The following ZNF316 variants were observed in gnomAD, a reference collection of about 807,000 sequenced individuals.
The protein encoded by ZNF316 is zinc finger protein 316.
Under a neutral mutation model 75.6 loss-of-function variants are expected in ZNF316, and 23 were observed. The observed-to-expected ratio is 0.30, with a 90% CI of 0.22 to 0.43. ZNF316 has a LOEUF of 0.43. Ranked by LOEUF, ZNF316 falls within the 20% of genes least tolerant of loss-of-function variation. ZNF316 has a pLI of 1.00. For synonymous variants in ZNF316, 827 were observed against 666.2 expected, an observed-to-expected ratio of 1.24 and a Z score of -3.72; for missense variants, 1,266 against 1,409.4, an observed-to-expected ratio of 0.90 and a Z score of 1.63.
At position 6,654,449 on chromosome 7, in the gene ZNF316, C is replaced by G. The variant is rs1779579182; in HGVS notation, c.2853C>G (p.Ala951=). Residue 951 remains alanine, a synonymous_variant, in exon 9 of 9, where the codon GCC becomes GCG. Coordinates refer to ENST00000382252, the MANE Select transcript of ZNF316 (RefSeq NM_001278559.2). ...TAAPGSGSAP[A]PAPKPEAAAK... Reference sequence around the variant, plus strand: ...CGCCGGGCTCGGGTTCGGCCCCAGCCCCCGCGCCCAAGCCCGAGGCGGCCG... The same window carrying G: ...CGCCGGGCTCGGGTTCGGCCCCAGCGCCCGCGCCCAAGCCCGAGGCGGCCG... 1 of 1,201,634 alleles carries G rather than the reference C, an allele frequency of 8.3e-7. No homozygotes were observed. The highest frequency in any genetic ancestry group is 1.6e-5 in the African/African-American group (1 of 62,976). 74.4% of individuals were successfully genotyped at this position (1,201,634 alleles called of 1,614,324 possible). A position where few individuals can be genotyped will look rare whatever the true frequency, so the allele number is the denominator to read the frequency against.
At chr7:6,649,724 C>T (rs1392016338) in intron 8 of ZNF316, among the ~76,000 whole-genome samples, 2 of 152,186 alleles carry the variant, frequency 1.3e-5, no homozygotes, top group South Asian at 2.1e-4. Context: ...CTCCTGCACT[C>T]GGTGTCAATG....
At chr7:6,645,633 G>A (rs559948637) in intron 8 of ZNF316, among the ~76,000 whole-genome samples, 4 of 148,250 alleles carry the variant, frequency 2.7e-5, no homozygotes, top group South Asian at 2.2e-4. Flanking sequence ...GTAGTGAGCC[G>A]AGGTTGTACC....
Position 6,639,311 on chromosome 7 carries a change from G to A in ZNF316, c.-167+170G>A, listed in dbSNP as rs1779273409. Among the ~76,000 whole-genome samples the A allele has an allele frequency of 6.6e-6, 1 of 152,220 alleles. No individual in the cohort carries two copies. The highest frequency in any genetic ancestry group is 1.5e-5 in the Non-Finnish European group (1 of 68,048). The stretch of plus-strand genomic sequence containing the variant: ...GTAAGTATTTGAATGCTTCTTAAGT[G>A]CTGGTGTGAGGGGTATTCAGACATG... On this transcript the variant is annotated intron_variant, in intron 3 of 8. Transcript: ENST00000382252. The surrounding 1 kb of genome is among the most constrained non-coding windows in gnomAD (Gnocchi z 4.2).
rs1214132196 is a variant in ZNF316, at chr7:6,655,210, G to C, written c.*599G>C. 1 of 152,270 alleles carries C rather than the reference G, an allele frequency of 6.6e-6. No individual in the cohort carries two copies. Among genetic ancestry groups the C allele is most frequent in the East Asian group, 1.9e-4 (1 of 5,194 alleles). 9.4% of individuals were successfully genotyped at this position (152,270 alleles called of 1,614,324 possible). A position where few individuals can be genotyped will look rare whatever the true frequency, so the allele number is the denominator to read the frequency against. ...TGGGAAAACTTGAAACTTGTCGTCT[G>C]CGGATATTTATTTCCACTTCTTGTA... On this transcript the variant is annotated 3_prime_UTR_variant, in exon 9 of 9. Coordinates refer to ENST00000382252, the MANE Select transcript of ZNF316 (RefSeq NM_001278559.2).
At position 6,653,494 on chromosome 7, in the gene ZNF316, C is replaced by T. The variant is rs1406877711; in HGVS notation, c.1898C>T (p.Pro633Leu). The change falls in exon 9 of 9, where the codon CCG (proline) becomes CTG (leucine). Residue 633 changes from proline (P) to leucine (L), a missense_variant. By Grantham distance (98) the Pro-to-Leu change is moderately conservative. Coordinates refer to ENST00000382252, the MANE Select transcript of ZNF316 (RefSeq NM_001278559.2). ...CTGCCGGTCGACGGGCGCCCGCTCCCGGCGCCCCTGGGGGGCCCGCTCTCC... is the reference window on the plus strand; with the variant it reads ...CTGCCGGTCGACGGGCGCCCGCTCCTGGCGCCCCTGGGGGGCCCGCTCTCC... ...ERLPVDGRPL[P>L]APLGGPLSLV... 6.5e-6 allele frequency: 8 copies of T among 1,222,006 alleles called. No homozygotes were observed. Among genetic ancestry groups the T allele is most frequent in the Middle Eastern group, 3.1e-4 (1 of 3,190 alleles). The allele number at this position is 1,222,006 out of a possible 1,614,324, so 75.7% of individuals were successfully genotyped here. A position where few individuals can be genotyped will look rare whatever the true frequency, so the allele number is the denominator to read the frequency against.
In ZNF316 at chr7:6,640,187, G is replaced by A. The variant is rs961435981; in HGVS notation, c.-167+1046G>A. 2.6e-5 allele frequency among the ~76,000 whole-genome samples: 4 copies of A among 152,200 alleles called. No individual in the cohort carries two copies. The highest frequency in any genetic ancestry group is 4.4e-5 in the Non-Finnish European group (3 of 68,042). On this transcript the variant is annotated intron_variant, in intron 3 of 8. Coordinates refer to ENST00000382252, the MANE Select transcript of ZNF316 (RefSeq NM_001278559.2). This position sits in a 1 kb window ranked among gnomAD's most constrained non-coding sequence, Gnocchi z 5.1. Reference sequence around the variant, plus strand: ...AACTGCTCAAAGCAGTTCAGGAAATGAGTACGCGCGGCTGCTATGGTTTGG... The same window carrying A: ...AACTGCTCAAAGCAGTTCAGGAAATAAGTACGCGCGGCTGCTATGGTTTGG...
Position 6,653,435 on chromosome 7 carries a change from C to T in ZNF316, c.1839C>T (p.Phe613=), listed in dbSNP as rs923457686. The T allele has an allele frequency of 6.5e-6, 8 of 1,228,094 alleles. No homozygotes were observed. The highest frequency in any genetic ancestry group is 4.7e-5 in the African/African-American group (3 of 64,168). The allele number at this position is 1,228,094 out of a possible 1,614,324, so 76.1% of individuals were successfully genotyped here. A position where few individuals can be genotyped will look rare whatever the true frequency, so the allele number is the denominator to read the frequency against. ...HPKSWLHPDS[F]PILGLPDFRE... ...AGTCCTGGCTGCACCCGGACAGCTTCCCGATCCTGGGCCTACCCGACTTCC... is the reference window on the plus strand; with the variant it reads ...AGTCCTGGCTGCACCCGGACAGCTTTCCGATCCTGGGCCTACCCGACTTCC... Residue 613 remains phenylalanine, a synonymous_variant, in exon 9 of 9, where the codon TTC becomes TTT. Coordinates refer to ENST00000382252, the MANE Select transcript of ZNF316 (RefSeq NM_001278559.2).
At chr7:6,641,022 G>A (rs1779303476) in intron 3 of ZNF316, among the ~76,000 whole-genome samples, 2 of 152,208 alleles carry the variant, frequency 1.3e-5, no homozygotes, top group Admixed American at 1.3e-4. Flanking sequence ...CAGAAATGCA[G>A]AAATGGCCTA....
chr7:6,649,316 G>A (rs569934357), intron 8 of ZNF316, among the ~76,000 whole-genome samples: 31 of 152,134 alleles, frequency 2.0e-4, no homozygotes, highest in Non-Finnish European at 4.0e-4. Flanking sequence ...GCTGTCCCCT[G>A]GGTTCTGGAG....
chr7:6,637,472 G>T lies in ZNF316; in HGVS notation c.-431+25G>T. 1 of 146,312 alleles carries T rather than the reference G, an allele frequency of 6.8e-6. No individual in the cohort carries two copies. Among genetic ancestry groups the T allele is most frequent in the South Asian group, 1.9e-4 (1 of 5,342 alleles). The allele number at this position is 146,312 out of a possible 1,614,324, so 9.1% of individuals were successfully genotyped here. The stretch of plus-strand genomic sequence containing the variant: ...GGTGAGTGGGTCTCGCGGGGCCGGT[G>T]GGCGGCGGCGCGGGCGGCAGGTGCG... On this transcript the variant is annotated intron_variant, in intron 1 of 8. Coordinates refer to ENST00000382252, the MANE Select transcript of ZNF316 (RefSeq NM_001278559.2). The surrounding 1 kb of genome is among the most constrained non-coding windows in gnomAD (Gnocchi z 6.2).
rs559450934 is a variant in ZNF316, at chr7:6,650,878, G to A, written c.707-1425G>A. ...CTTAGTGCCTGCTCCATAGACACCAGTTCCCTCCTGGGTGCGTCACGATGT... is the reference window on the plus strand; with the variant it reads ...CTTAGTGCCTGCTCCATAGACACCAATTCCCTCCTGGGTGCGTCACGATGT... On this transcript the variant is annotated intron_variant, in intron 8 of 8. Transcript: ENST00000382252. Among the ~76,000 whole-genome samples the A allele has an allele frequency of 3.9e-5, 6 of 152,302 alleles. No individual in the cohort carries two copies. The Middle Eastern group carries it at 0.01, about 259-fold the overall frequency.
In ZNF316 at chr7:6,656,937, CTCCTG is replaced by C. The variant is rs1779639312; in HGVS notation, c.*2331_*2335del. Among the ~76,000 whole-genome samples, 1 of 152,274 alleles carries C rather than the reference CTCCTG, an allele frequency of 6.6e-6. No homozygotes were observed. Among genetic ancestry groups the C allele is most frequent in the East Asian group, 1.9e-4 (1 of 5,174 alleles). ...TGGTAGCCCACGATCAGATCTGACT[CTCCTG>C]TCCTTTCTTTGTGGGTCTGAAAAAT... On this transcript the variant is annotated 3_prime_UTR_variant, in exon 9 of 9. Transcript: ENST00000382252.
At chr7:6,648,625 AT>A (rs1459973713) in intron 8 of ZNF316, among the ~76,000 whole-genome samples, 1 of 152,180 alleles carries the variant, frequency 6.6e-6, no homozygotes, top group African/African-American at 2.4e-5. Flanking sequence ...GAAAACTCAG[AT>A]TTAAGGCCTT....
intron 8 of ZNF316, among the ~76,000 whole-genome samples, chr7:6,645,436 C>A (rs1450827419): frequency 6.6e-6 from 1 of 152,190 alleles, no homozygotes; most frequent in Non-Finnish European, 1.5e-5. Context: ...ATAATCCCAG[C>A]ACTTTGGGAG....
In ZNF316 at chr7:6,656,958, T is replaced by C. The variant is rs1169452159; in HGVS notation, c.*2347T>C. On this transcript the variant is annotated 3_prime_UTR_variant, in exon 9 of 9. Coordinates refer to ENST00000382252, the MANE Select transcript of ZNF316 (RefSeq NM_001278559.2). The stretch of plus-strand genomic sequence containing the variant: ...GACTCTCCTGTCCTTTCTTTGTGGG[T>C]CTGAAAAATAAGAACTGCTGTAATC... Among the ~76,000 whole-genome samples the C allele has an allele frequency of 3.9e-5, 6 of 152,130 alleles. No homozygotes were observed.
At position 6,652,958 on chromosome 7, in the gene ZNF316, G is replaced by C. The variant is rs915300561; in HGVS notation, c.1362G>C (p.Glu454Asp). The part of the protein sequence containing the change: ...LVTHQRTHTG[E>D]RPYPCSHCGR... The stretch of plus-strand genomic sequence containing the variant: ...CGCACCAGCGCACGCACACCGGCGA[G>C]CGACCCTACCCGTGTTCGCACTGCG... Residue 454 changes from glutamate to aspartate, a missense_variant, in exon 9 of 9, where the codon GAG becomes GAC. Around this residue, in one of 3 missense-constraint regions of ZNF316, gnomAD observed 961 missense variants for 990.9 expected, o/e 0.97. Transcript: ENST00000382252. The C allele has an allele frequency of 8.0e-7, 1 of 1,242,900 alleles. No homozygotes were observed. The highest frequency in any genetic ancestry group is 1.0e-6 in the Non-Finnish European group (1 of 993,038). The allele number at this position is 1,242,900 out of a possible 1,614,324, so 77.0% of individuals were successfully genotyped here. A position where few individuals can be genotyped will look rare whatever the true frequency, so the allele number is the denominator to read the frequency against.
At chr7:6,647,095 G>A (rs1342530827) in intron 8 of ZNF316, among the ~76,000 whole-genome samples, 8 of 152,340 alleles carry the variant, frequency 5.3e-5, no homozygotes, top group South Asian at 2.1e-4. Context: ...TTGTGGCTGT[G>A]GGTGCCTGCC....
Position 6,655,293 on chromosome 7 carries a change from C to G in ZNF316, c.*682C>G, listed in dbSNP as rs930495924. ...GATACCAAACTTACGGCCAGGCAGA[C>G]GGGTCGCGGGTGTTGACAGGGTCCT... On this transcript the variant is annotated 3_prime_UTR_variant, in exon 9 of 9. Transcript: ENST00000382252. 2 of 139,896 alleles carry G rather than the reference C, an allele frequency of 1.4e-5. No individual in the cohort carries two copies. Among genetic ancestry groups the G allele is most frequent in the Non-Finnish European group, 3.1e-5 (2 of 63,894 alleles). The allele number at this position is 139,896 out of a possible 1,614,324, so 8.7% of individuals were successfully genotyped here. A position where few individuals can be genotyped will look rare whatever the true frequency, so the allele number is the denominator to read the frequency against.
rs1300266494 is a variant in ZNF316 at position 6,653,634 on chromosome 7, G to A, written c.2038G>A (p.Ala680Thr). 1 of 1,063,478 alleles carries A rather than the reference G, an allele frequency of 9.4e-7. No homozygotes were observed. Among genetic ancestry groups the A allele is most frequent in the African/African-American group, 1.7e-5 (1 of 58,046 alleles). 65.9% of individuals were successfully genotyped at this position (1,063,478 alleles called of 1,614,324 possible). The change falls in exon 9 of 9, where the codon GCG becomes ACG. Residue 680 changes from alanine (A) to threonine (T), a missense_variant. By Grantham distance (58) the Ala-to-Thr change is moderately conservative. Coordinates refer to ENST00000382252, the MANE Select transcript of ZNF316 (RefSeq NM_001278559.2). ...PAIGGLLAEPAPAALAEEESP... is the reference protein window; with the variant it reads ...PAIGGLLAEPTPAALAEEESP... Reference sequence around the variant, plus strand: ...CATCGGGGGTCTGCTGGCGGAGCCCGCGCCGGCCGCGCTGGCGGAGGAGGA... The same window carrying A: ...CATCGGGGGTCTGCTGGCGGAGCCCACGCCGGCCGCGCTGGCGGAGGAGGA...
Sources: allele counts gnomAD v4.1 joint callset (sites outside exome capture counted in the v4.1 genomes callset), GRCh38; gene constraint gnomAD v4.1.1; regional missense constraint gnomAD v4.1.1; non-coding constraint Gnocchi (gnomAD v3.1); transcripts MANE v1.5; gene names NCBI Gene and HGNC (gene_info 2026-07-23, HGNC 2026-07-21).